The following IKBIP variants were observed in gnomAD, a reference collection of about 807,000 sequenced individuals.
IKBIP encodes IKBKB interacting protein, also known as inhibitor of nuclear factor kappa-B kinase-interacting protein.
In IKBIP, 28 loss-of-function variants were observed where a neutral mutation model predicts 31.0. The observed-to-expected ratio is 0.90, with a 90% confidence interval of 0.67 to 1.24. The LOEUF (loss-of-function observed/expected upper bound fraction) is 1.24, where lower values mean the gene tolerates loss of function less well. Among genes scored for constraint, IKBIP ranks in the 50% most tolerant of loss-of-function variants. IKBIP has a pLI of 0.00. For synonymous variants in IKBIP, 164 were observed against 160.3 expected (o/e 1.02, Z -0.17); for missense variants, 453 against 441.9 (o/e 1.03, Z -0.23).
Position 98,644,591 on chromosome 12 carries a change from G to A in IKBIP, c.111C>T (p.Gly37=). ...GKTPVARSSG[G]GGWADPRTCL... Reference sequence around the variant, plus strand: ...ACGTTCGGGGGTCTGCCCAGCCCCCGCCTCCGCTGCTCCGGGCCACGGGGG... The same window carrying A: ...ACGTTCGGGGGTCTGCCCAGCCCCCACCTCCGCTGCTCCGGGCCACGGGGG... The change falls in exon 1 of 3, where the codon GGC becomes GGT. Residue 37 remains glycine (G), a synonymous_variant. Coordinates refer to ENST00000299157, the MANE Select transcript of IKBIP (RefSeq NM_153687.4). 6.2e-7 allele frequency: 1 copy of A among 1,609,490 alleles called. No homozygotes were observed. Among genetic ancestry groups the A allele is most frequent in the East Asian group, 2.2e-5 (1 of 44,726 alleles).
At position 98,624,633 on chromosome 12, in the gene IKBIP, T is replaced by G; in HGVS notation, c.*1297A>C. 1.1e-6 allele frequency: 1 copy of G among 870,640 alleles called. No individual in the cohort carries two copies. 53.9% of individuals were successfully genotyped at this position (870,640 alleles called of 1,614,324 possible). The stretch of plus-strand genomic sequence containing the variant: ...CAAGAACAAACTTCCATATTGCAGT[T>G]GACTACATTATATAATTTCAAATAA... On this transcript the variant is annotated 3_prime_UTR_variant, in exon 3 of 3. Transcript: ENST00000299157.
chr12:98,630,151 A>G (rs571597321), intron 2 of IKBIP, among the ~76,000 whole-genome samples: 1 of 152,150 alleles, frequency 6.6e-6, no homozygotes, highest in South Asian at 2.1e-4. Context: ...TGGGAGGCTG[A>G]GGCGGGTGGA....
chr12:98,644,648 C>T lies in IKBIP; in HGVS notation c.54G>A (p.Ala18=), dbSNP rs1338749235. 6.2e-7 allele frequency: 1 copy of T among 1,611,148 alleles called. No individual in the cohort carries two copies. The highest frequency in any genetic ancestry group is 8.5e-7 in the Non-Finnish European group (1 of 1,179,320). Reference sequence around the variant, plus strand: ...CGCCCTCGCTCCGCTTCCCGGGCTCCGCAGCAGGGGCTCCCTTGGGCCCCG... The same window carrying T: ...CGCCCTCGCTCCGCTTCCCGGGCTCTGCAGCAGGGGCTCCCTTGGGCCCCG... The part of the protein sequence containing the change: ...KKSGPKGAPA[A]EPGKRSEGGK... Residue 18 remains alanine (A), a synonymous_variant, in exon 1 of 3, where the codon GCG becomes GCA. Transcript: ENST00000299157.
rs1459825271 is a variant in IKBIP, at chr12:98,626,439, T to C, written c.625A>G (p.Thr209Ala). The stretch of plus-strand genomic sequence containing the variant: ...TTTACTGTTCTAATATTTCTTAGTG[T>C]GCTATCTTCCAAATCTTTTAGCCGT... ...TERLKDLEDSTLRNIRTVKRQ... is the reference protein window; with the variant it reads ...TERLKDLEDSALRNIRTVKRQ... Residue 209 changes from threonine (T) to alanine (A), a missense_variant, in exon 3 of 3, where the codon ACA (threonine) becomes GCA (alanine). Coordinates refer to ENST00000299157, the MANE Select transcript of IKBIP (RefSeq NM_153687.4). The C allele has an allele frequency of 6.2e-7, 1 of 1,613,334 alleles. No individual in the cohort carries two copies. Among genetic ancestry groups the C allele is most frequent in the East Asian group, 2.2e-5 (1 of 44,876 alleles).
chr12:98,626,029 T>C lies in IKBIP; in HGVS notation c.1035A>G (p.Lys345=). 1 of 1,572,970 alleles carries C rather than the reference T, an allele frequency of 6.4e-7. No homozygotes were observed. Among genetic ancestry groups the C allele is most frequent in the Non-Finnish European group, 8.6e-7 (1 of 1,159,002 alleles). Residue 345 remains lysine (K), a synonymous_variant, in exon 3 of 3, where the codon AAA becomes AAG. Transcript: ENST00000299157. ...LKMQNELDIL[K]EKVHDFIAYS... ...ATGCTATAAAATCATGAACTTTTTC[T>C]TTTAGAATATCCAGTTCATTTTGCA...
Position 98,644,572 on chromosome 12 carries a change from G to A in IKBIP, c.130C>T (p.Arg44Ter), listed in dbSNP as rs1308450604. ...AGCGACAGCAGGCTCAGGCACGTTC[G>A]GGGGTCTGCCCAGCCCCCGCCTCCG... The part of the protein sequence containing the change: ...SSGGGGWADP[R>*]TCLSLLSLGT... Residue 44 changes from arginine (R) to a stop codon, truncating the protein, a stop_gained, in exon 1 of 3, where the codon CGA (arginine) becomes TGA (stop). Transcript: ENST00000299157. LOFTEE classifies it high-confidence loss of function. 1 of 1,608,778 alleles carries A rather than the reference G, an allele frequency of 6.2e-7. No individual in the cohort carries two copies. Among genetic ancestry groups the A allele is most frequent in the Admixed American group, 1.7e-5 (1 of 59,604 alleles).
intron 2 of IKBIP, among the ~76,000 whole-genome samples, chr12:98,632,317 GA>G (rs934991885): frequency 4.1e-5 from 6 of 147,376 alleles, no homozygotes; most frequent in African/African-American, 1.2e-4. Flanking sequence ...AAAAATTAAA[GA>G]AAAAAAAATT....
intron 2 of IKBIP, among the ~76,000 whole-genome samples, chr12:98,618,590 C>T (rs1374546906): frequency 3.3e-5 from 5 of 150,416 alleles, no homozygotes; most frequent in African/African-American, 7.4e-5. Context: ...TGTGCCACTG[C>T]ACTCCAGCCT....
At chr12:98,637,184 T>C (rs910478755) in intron 1 of IKBIP, among the ~76,000 whole-genome samples, 3 of 152,020 alleles carry the variant, frequency 2.0e-5, no homozygotes, top group African/African-American at 7.3e-5. Context: ...TTTTTTTTGA[T>C]TAGCCTCTTA....
At chr12:98,618,078 A>G (rs965159505) in intron 2 of IKBIP, among the ~76,000 whole-genome samples, 2 of 152,142 alleles carry the variant, frequency 1.3e-5, no homozygotes, top group Admixed American at 6.6e-5. Flanking sequence ...AAGAAGAAAT[A>G]AAAAAGCTTG....
chr12:98,628,741 G>T (rs577870091), intron 2 of IKBIP, among the ~76,000 whole-genome samples: 2 of 152,320 alleles, frequency 1.3e-5, no homozygotes, highest in South Asian at 4.1e-4. Flanking sequence ...ACAGTGTTTA[G>T]ATCTTCCACA....
downstream of IKBIP, among the ~76,000 whole-genome samples, chr12:98,622,170 T>C (rs1287492225): frequency 6.6e-6 from 1 of 151,402 alleles, no homozygotes; most frequent in East Asian, 1.9e-4. Context: ...GGTGCTGAAG[T>C]GTTAGTTCTC....
intron 2 of IKBIP, among the ~76,000 whole-genome samples, chr12:98,633,604 C>T (rs560550876): frequency 1.1e-4 from 16 of 148,758 alleles, no homozygotes; most frequent in Non-Finnish European, 2.1e-4. Flanking sequence ...GCAACCTCCA[C>T]CTCCCAGGTT....
rs1377189211 is a variant in IKBIP at position 98,625,478 on chromosome 12, C to G, written c.*452G>C. 1 of 211,614 alleles carries G rather than the reference C, an allele frequency of 4.7e-6. No individual in the cohort carries two copies. Among genetic ancestry groups the G allele is most frequent in the Non-Finnish European group, 8.2e-6 (1 of 122,484 alleles). The allele number at this position is 211,614 out of a possible 1,614,324, so 13.1% of individuals were successfully genotyped here. On this transcript the variant is annotated 3_prime_UTR_variant, in exon 3 of 3. Coordinates refer to ENST00000299157, the MANE Select transcript of IKBIP (RefSeq NM_153687.4). The stretch of plus-strand genomic sequence containing the variant: ...ACCTAAGAAAGTGAACTGGCTGAGG[C>G]AGGCACATTACCAACCAACCTGACA...
chr12:98,629,259 G>A (rs1267776584), intron 2 of IKBIP, among the ~76,000 whole-genome samples: 2 of 152,196 alleles, frequency 1.3e-5, no homozygotes, highest in African/African-American at 4.8e-5. Flanking sequence ...TTTATTTTAA[G>A]GGTTGGGCAT....
intron 1 of IKBIP, among the ~76,000 whole-genome samples, chr12:98,642,465 T>C (rs895564558): frequency 6.6e-6 from 1 of 152,136 alleles, no homozygotes; most frequent in Non-Finnish European, 1.5e-5. Flanking sequence ...AGGTTTTTTT[T>C]TCAATTTACT....
chr12:98,613,487 G>A lies in IKBIP; in HGVS notation c.*98C>T, dbSNP rs2097604386. 14 of 626,012 alleles carry A rather than the reference G, an allele frequency of 2.2e-5. No individual in the cohort carries two copies. In the East Asian group the frequency reaches 4.0e-4, roughly 18 times the overall value. The allele number at this position is 626,012 out of a possible 1,614,324, so 38.8% of individuals were successfully genotyped here. A position where few individuals can be genotyped will look rare whatever the true frequency, so the allele number is the denominator to read the frequency against. On this transcript the variant is annotated 3_prime_UTR_variant, in exon 3 of 3. Transcript: ENST00000342502. ...TACAAAATAGGATTAAATATAAAAT[G>A]ACTTTTGCTCCAAAATATCATTATT...
downstream of IKBIP, among the ~76,000 whole-genome samples, chr12:98,622,919 A>G (rs1466359607): frequency 1.3e-5 from 2 of 151,526 alleles, no homozygotes; most frequent in Non-Finnish European, 2.9e-5. Context: ...GTTTAAAAAT[A>G]ATTAGGTGCT....
chr12:98,623,560 CTTTTT>C (rs35433597), downstream of IKBIP, among the ~76,000 whole-genome samples: 2 of 64,190 alleles, frequency 3.1e-5, no homozygotes, highest in African/African-American at 1.5e-4. Flanking sequence ...CCTCCTTACA[CTTTTT>C]TTTTTTTTTT....
Sources: allele counts gnomAD v4.1 joint callset (sites outside exome capture counted in the v4.1 genomes callset), GRCh38; gene constraint gnomAD v4.1.1; transcripts MANE v1.5; gene names NCBI Gene and HGNC (gene_info 2026-07-23, HGNC 2026-07-21).